The following KIF16B variants were observed in gnomAD, a reference collection of about 807,000 sequenced individuals.
The protein encoded by KIF16B is kinesin-like protein KIF16B.
A neutral mutation model predicts 156.3 loss-of-function variants in KIF16B; 98 were observed. The ratio of observed to expected loss-of-function variants is 0.63; its 90% confidence interval spans 0.53 to 0.74. The LOEUF (loss-of-function observed/expected upper bound fraction) is 0.74, where lower values mean the gene tolerates loss of function less well. Ranked by LOEUF, KIF16B falls within the 30% of genes least tolerant of loss-of-function variation. The pLI, the probability that KIF16B is intolerant of heterozygous loss-of-function variation, is 0.00. For synonymous variants in KIF16B, 564 were observed against 583.7 expected (o/e 0.97, Z 0.49); for missense variants, 1,421 against 1,606.5 (o/e 0.88, Z 1.97).
chr20:16,452,701 G>A (rs2067114369), intron 12 of KIF16B, among the ~76,000 whole-genome samples: 3 of 152,104 alleles, frequency 2.0e-5, no homozygotes, highest in African/African-American at 7.2e-5. Context: ...TGGGCGTGGT[G>A]GTGGGTGCCT....
chr20:16,386,226 C>G (rs1046023218), intron 17 of KIF16B, among the ~76,000 whole-genome samples: 1 of 151,968 alleles, frequency 6.6e-6, no homozygotes, highest in African/African-American at 2.4e-5. Flanking sequence ...TTCACAGTGA[C>G]GGGCAGAGAT....
At chr20:16,336,421 A>G (rs993274792) in intron 23 of KIF16B, among the ~76,000 whole-genome samples, 3 of 152,234 alleles carry the variant, frequency 2.0e-5, no homozygotes, top group Admixed American at 2.0e-4. Flanking sequence ...TAATCAATTC[A>G]GCCTTTAATA....
intron 1 of KIF16B, among the ~76,000 whole-genome samples, chr20:16,540,444 G>A (rs2070150998): frequency 6.6e-6 from 1 of 152,262 alleles, no homozygotes; most frequent in African/African-American, 2.4e-5. Flanking sequence ...TTGAAATTCT[G>A]GGTGGCTCTT....
chr20:16,466,955 T>A (rs549120391), intron 12 of KIF16B, among the ~76,000 whole-genome samples: 5 of 150,120 alleles, frequency 3.3e-5, no homozygotes, highest in Non-Finnish European at 7.4e-5. Context: ...GGGGCATGCT[T>A]TTGTGAGTTT....
chr20:16,503,944 T>C (rs577748314), intron 10 of KIF16B, among the ~76,000 whole-genome samples: 2 of 152,292 alleles, frequency 1.3e-5, no homozygotes, highest in South Asian at 2.1e-4. Context: ...ACCTCTCTAA[T>C]AGGTGATATG....
intron 12 of KIF16B, among the ~76,000 whole-genome samples, chr20:16,487,974 C>T (rs976770772): frequency 3.9e-5 from 6 of 152,174 alleles, no homozygotes; most frequent in Admixed American, 6.5e-5. Flanking sequence ...TTCAATCCAA[C>T]TTATACAAAT....
At chr20:16,568,555 T>C (rs2071343330) in intron 1 of KIF16B, among the ~76,000 whole-genome samples, 1 of 152,144 alleles carries the variant, frequency 6.6e-6, no homozygotes, top group Admixed American at 6.5e-5. Context: ...GGATCACACC[T>C]GTAATCCCAG....
intron 22 of KIF16B, among the ~76,000 whole-genome samples, chr20:16,357,463 T>C (rs1323058747): frequency 2.6e-5 from 4 of 152,182 alleles, no homozygotes; most frequent in Non-Finnish European, 4.4e-5. Context: ...CTACTCTAGA[T>C]TGCAATCATG....
At chr20:16,496,581 T>C (rs1206655077) in intron 11 of KIF16B, among the ~76,000 whole-genome samples, 3 of 152,188 alleles carry the variant, frequency 2.0e-5, no homozygotes, top group East Asian at 1.9e-4. Context: ...AAGAACAAGA[T>C]AGGCAGTCAT....
In KIF16B at chr20:16,443,153, G is replaced by A. The variant is rs116850627; in HGVS notation, c.1303-13171C>T. Among the ~76,000 whole-genome samples the A allele has an allele frequency of 3.2e-3, 485 of 152,140 alleles. 3 individuals are homozygous for A. The highest frequency in any genetic ancestry group is 0.021 in the East Asian group (107 of 5,172). On this transcript the variant is annotated intron_variant, in intron 12 of 25. Transcript: ENST00000354981. ...AGATGCTCAACCAGAAATAAAACCT[G>A]CTTTTTATGGAGAAGAGAGAATATA...
chr20:16,513,280 C>T, intron 4 of KIF16B, among the ~76,000 whole-genome samples: 1 of 152,092 alleles, frequency 6.6e-6, no homozygotes, highest in Non-Finnish European at 1.5e-5. Flanking sequence ...GAAATACACA[C>T]CAGGCAAAAA....
intron 1 of KIF16B, among the ~76,000 whole-genome samples, chr20:16,562,488 T>C (rs547385445): frequency 5.6e-4 from 86 of 152,266 alleles, no homozygotes; most frequent in African/African-American, 1.9e-3. Flanking sequence ...CGGAGAACAA[T>C]GTGAGACATG....
chr20:16,486,752 G>A (rs1425234590), intron 12 of KIF16B, among the ~76,000 whole-genome samples: 3 of 152,106 alleles, frequency 2.0e-5, no homozygotes, highest in Admixed American at 6.6e-5. Flanking sequence ...TTAGAATGGC[G>A]ATAACTAACT....
In KIF16B at chr20:16,273,229, G is replaced by A; in HGVS notation, c.*24C>T. ...GCTTCGACGAGAAGGCACTGCTGTG[G>A]TGGTTCCTCCATCACCCCTGGCTCT... On this transcript the variant is annotated 3_prime_UTR_variant, in exon 26 of 26. Transcript: ENST00000354981. The A allele has an allele frequency of 1.9e-6, 3 of 1,608,578 alleles. No individual in the cohort carries two copies. The highest frequency in any genetic ancestry group is 4.5e-5 in the East Asian group (2 of 44,840).
intron 23 of KIF16B, among the ~76,000 whole-genome samples, chr20:16,351,216 A>G (rs1010144223): frequency 1.3e-5 from 2 of 152,176 alleles, no homozygotes; most frequent in African/African-American, 4.8e-5. Context: ...TTATTTCTTT[A>G]TGTTACCGTG....
intron 1 of KIF16B, among the ~76,000 whole-genome samples, chr20:16,540,661 C>A (rs542324062): frequency 6.6e-6 from 1 of 152,094 alleles, no homozygotes; most frequent in East Asian, 1.9e-4. Context: ...CAAAATGATA[C>A]CCACATTCAA....
chr20:16,485,978 A>C (rs949159382), intron 12 of KIF16B, among the ~76,000 whole-genome samples: 1 of 152,140 alleles, frequency 6.6e-6, no homozygotes, highest in Admixed American at 6.5e-5. Flanking sequence ...GAACTGAAAA[A>C]AATCTTATTT....
intron 10 of KIF16B, among the ~76,000 whole-genome samples, chr20:16,503,723 C>T (rs1312990019): frequency 6.6e-6 from 1 of 152,188 alleles, no homozygotes; most frequent in Non-Finnish European, 1.5e-5. Context: ...CAGAACTTTA[C>T]TTCCACCAAT....
At chr20:16,315,858 T>C (rs35291129) in intron 24 of KIF16B, among the ~76,000 whole-genome samples, 4,981 of 152,228 alleles carry the variant, frequency 0.033, 91 homozygotes, top group African/African-American at 0.037. Flanking sequence ...GATAGAAATG[T>C]GAGCTAATGG....
Sources: allele counts gnomAD v4.1 joint callset (sites outside exome capture counted in the v4.1 genomes callset), GRCh38; gene constraint gnomAD v4.1.1; transcripts MANE v1.5; gene names NCBI Gene and HGNC (gene_info 2026-07-23, HGNC 2026-07-21).